The following CDH18 variants were observed in gnomAD, a reference collection of about 807,000 sequenced individuals.
The protein encoded by CDH18 is cadherin 18.
A neutral mutation model predicts 67.9 loss-of-function variants in CDH18; 31 were observed. The observed-to-expected ratio is 0.46, with a 90% CI of 0.34 to 0.62. The LOEUF is 0.62. CDH18 is among the 20% of genes least tolerant of loss of function. The pLI, the probability that CDH18 is intolerant of heterozygous loss-of-function variation, is 0.01. For synonymous variants in CDH18, 362 were observed against 347.2 expected, an observed-to-expected ratio of 1.04 and a Z score of -0.48; for missense variants, 890 against 975.5, an observed-to-expected ratio of 0.91 and a Z score of 1.17.
At chr5:19,677,958 T>C (rs1473992822) in intron 5 of CDH18, among the ~76,000 whole-genome samples, 1 of 151,874 alleles carries the variant, frequency 6.6e-6, no homozygotes, top group Non-Finnish European at 1.5e-5. Flanking sequence ...ATATATGTTA[T>C]ATATATAAAA....
At chr5:20,072,983 G>A (rs1195398615) in intron 2 of CDH18, among the ~76,000 whole-genome samples, 2 of 151,842 alleles carry the variant, frequency 1.3e-5, no homozygotes, top group Non-Finnish European at 2.9e-5. Context: ...TTGTTAATAT[G>A]AGGATAACAG....
rs570297705 is a variant in CDH18, at chr5:19,632,664, T to A, written c.644-20063A>T. ...TGCGCATAATTATGAATACCTTCCA[T>A]GTACCAGGTAATATGTTAAAGTGCT... is the stretch of plus-strand genomic sequence containing the variant. On this transcript the variant is annotated intron_variant, in intron 5 of 12. Coordinates refer to ENST00000382275, the MANE Select transcript of CDH18 (RefSeq NM_004934.5). Among the ~76,000 whole-genome samples the A allele has an allele frequency of 8.5e-5, 13 of 152,342 alleles. No individual in the cohort carries two copies. In the East Asian group the frequency reaches 2.5e-3, roughly 29 times the overall value.
chr5:19,726,407 G>A (rs1009938677), intron 4 of CDH18, among the ~76,000 whole-genome samples: 19 of 152,116 alleles, frequency 1.2e-4, no homozygotes, highest in African/African-American at 4.1e-4. Context: ...AAATCGCCTC[G>A]TGTACTATGT....
intron 11 of CDH18, among the ~76,000 whole-genome samples, chr5:19,497,687 ATCT>A (rs996076295): frequency 5.9e-5 from 9 of 152,314 alleles, no homozygotes; most frequent in Non-Finnish European, 8.8e-5. Context: ...ATGGGCGAAG[ATCT>A]TCTTGGTGTG....
intron 2 of CDH18, among the ~76,000 whole-genome samples, chr5:20,203,369 T>C (rs1739600329): frequency 6.6e-6 from 1 of 152,156 alleles, no homozygotes; most frequent in African/African-American, 2.4e-5. Flanking sequence ...ATCATGGCAG[T>C]TGTTCCACAG....
intron 4 of CDH18, among the ~76,000 whole-genome samples, chr5:19,745,195 C>A (rs1769822129): frequency 6.6e-6 from 1 of 152,176 alleles, no homozygotes; most frequent in African/African-American, 2.4e-5. Flanking sequence ...CAGGTCTAAT[C>A]AGTTACCATT....
chr5:20,512,720 C>T (rs1470456743), intron 1 of CDH18, among the ~76,000 whole-genome samples: 1 of 151,864 alleles, frequency 6.6e-6, no homozygotes, highest in African/African-American at 2.4e-5. Context: ...CCCATCTCTA[C>T]TAAAAATACA....
At chr5:19,898,331 T>C (rs1324550474) in intron 2 of CDH18, among the ~76,000 whole-genome samples, 2 of 136,900 alleles carry the variant, frequency 1.5e-5, no homozygotes, top group Non-Finnish European at 3.1e-5. Flanking sequence ...TTACATGTAG[T>C]CCAATCATTG....
chr5:19,965,343 T>C (rs1213928414), intron 2 of CDH18, among the ~76,000 whole-genome samples: 1 of 152,170 alleles, frequency 6.6e-6, no homozygotes, highest in Non-Finnish European at 1.5e-5. Context: ...TAATGGGACC[T>C]ACATAGAGTG....
At chr5:20,508,621 G>A (rs868797284) in intron 1 of CDH18, among the ~76,000 whole-genome samples, 83 of 151,768 alleles carry the variant, frequency 5.5e-4, no homozygotes, top group African/African-American at 1.9e-3. Flanking sequence ...AAAGAAATAA[G>A]TTGATTAACA....
intron 1 of CDH18, among the ~76,000 whole-genome samples, chr5:20,563,512 TA>T (rs1199783651): frequency 1.3e-5 from 2 of 152,156 alleles, no homozygotes; most frequent in Non-Finnish European, 2.9e-5. Flanking sequence ...TGTGTTTTTT[TA>T]AATAAATAAA....
intron 2 of CDH18, among the ~76,000 whole-genome samples, chr5:20,071,123 C>T (rs1180922589): frequency 6.6e-6 from 1 of 152,032 alleles, no homozygotes; most frequent in African/African-American, 2.4e-5. Context: ...TCTAATGTAG[C>T]AGATAAAATT....
intron 5 of CDH18, among the ~76,000 whole-genome samples, chr5:19,720,438 A>C (rs913126838): frequency 6.6e-6 from 1 of 152,126 alleles, no homozygotes; most frequent in Non-Finnish European, 1.5e-5. Context: ...AAATATGTAC[A>C]TCCTTAAAAT....
chr5:20,157,199 T>A (rs1014482894), intron 2 of CDH18, among the ~76,000 whole-genome samples: 1 of 152,184 alleles, frequency 6.6e-6, no homozygotes, highest in African/African-American at 2.4e-5. Context: ...GAGTTTTTTA[T>A]TTAATATTTT....
chr5:20,428,938 A>G (rs1748532806), intron 1 of CDH18, among the ~76,000 whole-genome samples: 1 of 152,174 alleles, frequency 6.6e-6, no homozygotes, highest in Admixed American at 6.6e-5. Flanking sequence ...AATCTCTTAA[A>G]GGGAGCTATG....
chr5:20,157,060 T>C (rs1444156472), intron 2 of CDH18, among the ~76,000 whole-genome samples: 1 of 152,134 alleles, frequency 6.6e-6, no homozygotes, highest in Non-Finnish European at 1.5e-5. Flanking sequence ...AGGGAGGTAG[T>C]GTATATGGCA....
intron 2 of CDH18, among the ~76,000 whole-genome samples, chr5:19,915,915 C>T (rs1199257240): frequency 2.6e-5 from 4 of 152,080 alleles, no homozygotes; most frequent in Non-Finnish European, 4.4e-5. Context: ...ATTAACAGAA[C>T]GTATGTGTTG....
At chr5:19,475,672 T>C (rs1738337129) in intron 12 of CDH18, among the ~76,000 whole-genome samples, 1 of 152,050 alleles carries the variant, frequency 6.6e-6, no homozygotes, top group South Asian at 2.1e-4. Context: ...ATATTATTCC[T>C]TGTGACATAT....
At chr5:19,610,615 T>C (rs1369186110) in intron 6 of CDH18, among the ~76,000 whole-genome samples, 1 of 152,096 alleles carries the variant, frequency 6.6e-6, no homozygotes, top group African/African-American at 2.4e-5. Flanking sequence ...ATCTTTAAAA[T>C]AGTGGTGGTA....
Sources: gnomAD v4.1 joint callset for allele counts (sites outside exome capture counted in the v4.1 genomes callset) on GRCh38, gnomAD v4.1.1 for gene constraint, MANE v1.5 for transcripts, NCBI Gene and HGNC (gene_info 2026-07-23, HGNC 2026-07-21) for gene names.